Variants in JAK2 observed in about 807,000 individuals in gnomAD.
JAK2 encodes the protein Janus kinase 2.
A neutral mutation model predicts 139.3 loss-of-function variants in JAK2; 86 were observed. That is an observed-to-expected ratio of 0.62 (90% CI 0.52 to 0.74). The LOEUF (loss-of-function observed/expected upper bound fraction) is 0.74. Among genes scored for constraint, JAK2 ranks in the 30% least tolerant of loss-of-function variants. JAK2 has a pLI of 0.00. For missense variants in JAK2, 1,421 were observed against 1,360.3 expected (o/e 1.04, Z -0.70); for synonymous variants, 490 against 437.7 (o/e 1.12, Z -1.49).
chr9:5,059,679 T>C (rs1192304049), intron 8 of JAK2, among the ~76,000 whole-genome samples: 1 of 152,158 alleles, frequency 6.6e-6, no homozygotes, highest in East Asian at 1.9e-4. Flanking sequence ...TGCATGAAAA[T>C]TACAGTTGTC....
At chr9:5,040,293 A>C (rs1816387452) in intron 4 of JAK2, among the ~76,000 whole-genome samples, 1 of 118,618 alleles carries the variant, frequency 8.4e-6, no homozygotes, top group African/African-American at 5.4e-5. Flanking sequence ...CACTATATAC[A>C]AAAAAAAAAA....
At chr9:5,082,540 C>T (rs1306358545) in intron 19 of JAK2, among the ~76,000 whole-genome samples, 1 of 152,234 alleles carries the variant, frequency 6.6e-6, no homozygotes, top group Non-Finnish European at 1.5e-5. Context: ...AGGCAGGAGA[C>T]AGTGGCCTTC....
intron 2 of JAK2, among the ~76,000 whole-genome samples, chr9:4,996,352 A>G (rs1477200321): frequency 1.3e-5 from 2 of 152,052 alleles, no homozygotes; most frequent in Admixed American, 6.5e-5. Context: ...GGAGGCTGAG[A>G]CAGGAGAATC....
chr9:5,092,302 C>G (rs1346232486), intron 22 of JAK2, among the ~76,000 whole-genome samples: 1 of 152,072 alleles, frequency 6.6e-6, no homozygotes, highest in African/African-American at 2.4e-5. Flanking sequence ...CTGCCTGTCA[C>G]CCTCCGCAAA....
chr9:5,015,226 A>C (rs895207135), intron 2 of JAK2, among the ~76,000 whole-genome samples: 1 of 152,202 alleles, frequency 6.6e-6, no homozygotes, highest in Non-Finnish European at 1.5e-5. Flanking sequence ...GCTGAGGCGC[A>C]ATGAATATTC....
chr9:5,048,990 C>G (rs1415193143), intron 5 of JAK2, among the ~76,000 whole-genome samples: 1 of 152,116 alleles, frequency 6.6e-6, no homozygotes, highest in Non-Finnish European at 1.5e-5. Flanking sequence ...CATGTTCAGT[C>G]AGATTTATCT....
chr9:5,027,533 T>C (rs1283019752), intron 3 of JAK2, among the ~76,000 whole-genome samples: 7 of 152,140 alleles, frequency 4.6e-5, no homozygotes, highest in Non-Finnish European at 1.0e-4. Context: ...TATGGCAATA[T>C]CTTAAAATAA....
intron 22 of JAK2, 123 bp downstream of exon 22, chr9:5,091,034 C>A: frequency 1.3e-6 from 1 of 744,560 alleles, no homozygotes; most frequent in Non-Finnish European, 2.1e-6. Context: ...TCTTTTAAGT[C>A]TTACATTTAA....
At chr9:5,111,574 C>A in intron 22 of JAK2, 1 of 367,360 alleles carries the variant, frequency 2.7e-6, no homozygotes, top group Non-Finnish European at 5.3e-6. Flanking sequence ...GCAGCCTGCA[C>A]CCCTAAGCCG....
chr9:5,093,027 T>A (rs1275246843), intron 22 of JAK2, among the ~76,000 whole-genome samples: 2 of 152,178 alleles, frequency 1.3e-5, no homozygotes, highest in East Asian at 3.8e-4. Context: ...TAAATTCTAA[T>A]CACTCTACGG....
Position 5,033,711 on chromosome 9 carries a change from G to A in JAK2, c.350+3805G>A, listed in dbSNP as rs1462117980. On this transcript the variant is annotated intron_variant, in intron 4 of 24. Transcript: ENST00000381652. ...ATGCTGAGAGATTTTGTCACCACCA[G>A]GCCTGCCCTAAAAGAGCTCCTGAAG... Among the ~76,000 whole-genome samples, 4 of 152,124 alleles carry A rather than the reference G, an allele frequency of 2.6e-5. No homozygotes were observed. In the East Asian group the frequency reaches 7.7e-4, roughly 29 times the overall value.
chr9:5,083,173 C>T (rs1410779), intron 19 of JAK2, among the ~76,000 whole-genome samples: 24,513 of 151,920 alleles, frequency 0.16, 2,258 homozygotes, highest in Middle Eastern at 0.22. Flanking sequence ...AGCTTTTCTG[C>T]CTGCCTTTCT....
At chr9:5,091,420 G>A (rs975654125) in intron 22 of JAK2, 4 of 152,524 alleles carry the variant, frequency 2.6e-5, no homozygotes, top group African/African-American at 9.7e-5. Context: ...AGTTGAATAT[G>A]ATGGGGTGGT....
At chr9:5,115,098 G>C (rs895756506) in intron 22 of JAK2, among the ~76,000 whole-genome samples, 1 of 152,128 alleles carries the variant, frequency 6.6e-6, no homozygotes, top group Non-Finnish European at 1.5e-5. Flanking sequence ...CAGCTGCATA[G>C]CAAAAGAAAC....
chr9:5,029,484 G>A (rs983164735), intron 3 of JAK2, among the ~76,000 whole-genome samples: 2 of 152,100 alleles, frequency 1.3e-5, no homozygotes, highest in African/African-American at 4.8e-5. Context: ...GAAAAATGGT[G>A]CTGACAGACT....
chr9:4,984,434 T>C (rs1819827363), upstream of JAK2: 1 of 152,176 alleles, frequency 6.6e-6, no homozygotes, highest in Non-Finnish European at 1.5e-5. Context: ...AAGTTGTTTC[T>C]CCTCTAGGAG....
chr9:5,110,780 G>A (rs538401769), intron 22 of JAK2: 80 of 395,786 alleles, frequency 2.0e-4, no homozygotes, highest in African/African-American at 9.4e-4. Context: ...GGAGTGGTAA[G>A]GGCCCGGGCC....
intron 19 of JAK2, 106 bp from the exon 20 acceptor site, chr9:5,089,557 AAAAAAAAAGAC>A: frequency 2.8e-6 from 1 of 360,006 alleles, no homozygotes; most frequent in African/African-American, 2.1e-5. Flanking sequence ...AAAAAAAAAA[AAAAAAAAAGAC>A]AGTCTGCTAA....
chr9:4,992,397 G>T (rs983906263), intron 2 of JAK2, among the ~76,000 whole-genome samples: 1 of 152,198 alleles, frequency 6.6e-6, no homozygotes, highest in Non-Finnish European at 1.5e-5. Flanking sequence ...AGGGTCAGAA[G>T]CCTGTCCAGA....
Sources: allele counts gnomAD v4.1 joint callset (sites outside exome capture counted in the v4.1 genomes callset), GRCh38; gene constraint gnomAD v4.1.1; transcripts MANE v1.5; gene names NCBI Gene and HGNC (gene_info 2026-07-23, HGNC 2026-07-21).